ADGRF1: variants seen among roughly 807,000 people sequenced by gnomAD.
ADGRF1 encodes the protein G protein-coupled receptor 110.
In ADGRF1, 85 loss-of-function variants were observed where a neutral mutation model predicts 87.2. The ratio of observed to expected loss-of-function variants is 0.97; its 90% CI spans 0.82 to 1.17. The LOEUF is 1.17. Ranked by LOEUF, ADGRF1 falls within the 50% of genes most tolerant of loss-of-function variation. The pLI is 0.00. For missense variants in ADGRF1, 1,169 were observed against 1,077.2 expected (o/e 1.09, Z -1.19); for synonymous variants, 430 against 408.8 (o/e 1.05, Z -0.63).
intron 1 of ADGRF1, among the ~76,000 whole-genome samples, chr6:47,032,452 G>A (rs1016765264): frequency 6.6e-6 from 1 of 152,150 alleles, no homozygotes; most frequent in Non-Finnish European, 1.5e-5. Flanking sequence ...AAAATTATTT[G>A]TGTCTTATCT....
rs927707515 is a variant in ADGRF1, at chr6:47,030,174, G to A, written c.-43-1070C>T. Reference sequence around the variant, plus strand: ...ACTGCCCTCTAATCTAAAAAGCCGAGAAAAGGCATTAGAGACAGGGAAGAA... The same window carrying A: ...ACTGCCCTCTAATCTAAAAAGCCGAAAAAAGGCATTAGAGACAGGGAAGAA... On this transcript the variant is annotated intron_variant, in intron 1 of 14. Transcript: ENST00000371253. Among the ~76,000 whole-genome samples, 8 of 152,286 alleles carry A rather than the reference G, an allele frequency of 5.3e-5. No individual in the cohort carries two copies. In the East Asian group the frequency reaches 1.5e-3, roughly 29 times the overall value.
chr6:47,016,173 T>A (rs1451933771), intron 8 of ADGRF1, among the ~76,000 whole-genome samples: 1 of 152,142 alleles, frequency 6.6e-6, no homozygotes, highest in Non-Finnish European at 1.5e-5. Flanking sequence ...GGCGTAAGAT[T>A]GAATGTAAAA....
intron 9 of ADGRF1, chr6:47,013,109 T>C (rs1160146053): frequency 5.1e-6 from 5 of 985,332 alleles, no homozygotes; most frequent in Admixed American, 1.2e-4. Flanking sequence ...GAGGCTCCCA[T>C]CTACTTTTAC....
At chr6:47,014,528 C>A in intron 9 of ADGRF1, 153 bp downstream of exon 9, 2 of 1,422,804 alleles carry the variant, frequency 1.4e-6, no homozygotes, top group Non-Finnish European at 1.8e-6. Flanking sequence ...CACGACTCCA[C>A]GGGTTCACCA....
At chr6:47,025,685 C>T (rs910350908) in intron 4 of ADGRF1, among the ~76,000 whole-genome samples, 169 bp downstream of exon 4, 4 of 152,120 alleles carry the variant, frequency 2.6e-5, no homozygotes, top group Non-Finnish European at 5.9e-5. Context: ...ACAAATACAG[C>T]CCTCTGCCAA....
intron 2 of ADGRF1, 49 bp downstream of exon 2, chr6:47,028,942 CGA>C (rs772788347): frequency 6.9e-7 from 1 of 1,445,292 alleles, no homozygotes; most frequent in Non-Finnish European, 9.7e-7. Flanking sequence ...AGTGCCGGAA[CGA>C]GAGAGGAGAG....
intron 5 of ADGRF1, 86 bp from the exon 6 acceptor site, chr6:47,022,144 G>T: frequency 1.3e-6 from 1 of 779,136 alleles, no homozygotes; most frequent in Non-Finnish European, 2.1e-6. Flanking sequence ...GTACAATTCA[G>T]AGTCATCTAT....
At chr6:47,004,605 T>C (rs926480386) in intron 13 of ADGRF1, among the ~76,000 whole-genome samples, 3 of 152,222 alleles carry the variant, frequency 2.0e-5, no homozygotes, top group African/African-American at 7.2e-5. Flanking sequence ...CCCGTCTCAT[T>C]ATATTCACTA....
intron 5 of ADGRF1, 61 bp from the exon 6 acceptor site, chr6:47,022,119 C>T: frequency 1.1e-6 from 1 of 922,462 alleles, no homozygotes; most frequent in Middle Eastern, 2.8e-4. Flanking sequence ...TTACTAGTAG[C>T]ATACAATTAT....
At chr6:47,025,791 C>T in intron 4 of ADGRF1, 63 bp downstream of exon 4, 5 of 1,443,558 alleles carry the variant, frequency 3.5e-6, no homozygotes, top group Non-Finnish European at 3.8e-6. Flanking sequence ...CATAACCCAA[C>T]CTAGCCTGAC....
chr6:47,016,686 C>A lies in ADGRF1; in HGVS notation c.694G>T (p.Glu232Ter). 6.2e-7 allele frequency: 1 copy of A among 1,612,442 alleles called. No individual in the cohort carries two copies. Among genetic ancestry groups the A allele is most frequent in the Non-Finnish European group, 8.5e-7 (1 of 1,178,770 alleles). The part of the protein sequence containing the change: ...ELLSAIEHVA[E>*]KAKTALHKLF... ...TTGTGAAGGGCTGTCTTAGCCTTCT[C>A]GGCAACATGTTCAATGGCTGACAGC... Residue 232 changes from glutamate to a stop codon, truncating the protein, a stop_gained, in exon 8 of 15, where the codon GAG becomes TAG. Transcript: ENST00000371253. LOFTEE classifies it high-confidence loss of function.
At chr6:47,010,614 CAT>C (rs1456653291) in intron 10 of ADGRF1, among the ~76,000 whole-genome samples, 2 of 152,170 alleles carry the variant, frequency 1.3e-5, no homozygotes, top group Non-Finnish European at 2.9e-5. Context: ...CAGCTGCACA[CAT>C]GTGATGTGCA....
chr6:47,024,561 G>A (rs982458835), intron 4 of ADGRF1, among the ~76,000 whole-genome samples: 11 of 152,160 alleles, frequency 7.2e-5, no homozygotes, highest in South Asian at 2.1e-4. Context: ...TGATCTGCCC[G>A]CCTTGGCCTC....
At chr6:47,004,291 A>T (rs1332905771) in intron 13 of ADGRF1, among the ~76,000 whole-genome samples, 1 of 152,294 alleles carries the variant, frequency 6.6e-6, no homozygotes, top group Non-Finnish European at 1.5e-5. Context: ...CAAACTCTCT[A>T]AGAAAATTAT....
rs887114144 is a variant in ADGRF1 at position 47,005,059 on chromosome 6, A to C, written c.2592+758T>G. Among the ~76,000 whole-genome samples, 8 of 152,212 alleles carry C rather than the reference A, an allele frequency of 5.3e-5. 1 individual carries two copies. Among genetic ancestry groups the C allele is most frequent in the Admixed American group, 5.2e-4 (8 of 15,276 alleles). On this transcript the variant is annotated intron_variant, in intron 13 of 14. Coordinates refer to ENST00000371253, the MANE Select transcript of ADGRF1 (RefSeq NM_153840.4). The stretch of plus-strand genomic sequence containing the variant: ...TCTCTCAATACCCATATAGGTTTGG[A>C]TGCAGTTAAGTCAGTTGACTTTTAT...
At position 47,013,272 on chromosome 6, in the gene ADGRF1, G is replaced by A. The variant is rs948321004; in HGVS notation, c.928-1077C>T. 5 of 985,268 alleles carry A rather than the reference G, an allele frequency of 5.1e-6. No homozygotes were observed. In the African/African-American group the frequency reaches 8.7e-5, roughly 17 times the overall value. The allele number at this position is 985,268 out of a possible 1,614,324, so 61.0% of individuals were successfully genotyped here. On this transcript the variant is annotated intron_variant, in intron 9 of 14. Transcript: ENST00000371253. ...GTTCAAGCCACCTGGGATCTGCCTG[G>A]AGCGAACTAGTCTCAACTATTGCTC... is the stretch of plus-strand genomic sequence containing the variant.
At chr6:47,018,413 A>G in intron 7 of ADGRF1, 2 of 1,285,912 alleles carry the variant, frequency 1.6e-6, no homozygotes, top group South Asian at 1.3e-5. Context: ...TTCTTACTAC[A>G]TTGAACTTCT....
intron 6 of ADGRF1, 115 bp from the exon 7 acceptor site, chr6:47,020,904 A>G: frequency 1.3e-6 from 1 of 775,072 alleles, no homozygotes; most frequent in Non-Finnish European, 2.2e-6. Flanking sequence ...AGGAGCAAAG[A>G]AAAGAGACAC....
intron 6 of ADGRF1, 31 bp from the exon 7 acceptor site, chr6:47,020,820 A>T: frequency 6.3e-7 from 1 of 1,575,350 alleles, no homozygotes; most frequent in Non-Finnish European, 8.7e-7. Context: ...CAATGTGTTA[A>T]TTGTTCTTCC....
Sources: allele counts gnomAD v4.1 joint callset (sites outside exome capture counted in the v4.1 genomes callset), GRCh38; gene constraint gnomAD v4.1.1; transcripts MANE v1.5; gene names NCBI Gene and HGNC (gene_info 2026-07-23, HGNC 2026-07-21).